TMEM181: variants seen among roughly 807,000 people sequenced by gnomAD.
TMEM181 encodes transmembrane protein 181, also known as G protein-coupled receptor 178.
A neutral mutation model predicts 71.9 loss-of-function variants in TMEM181; 39 were observed. That is an observed-to-expected ratio of 0.54 (90% confidence interval 0.42 to 0.71). TMEM181 has a LOEUF of 0.71. TMEM181 is among the 30% of genes least tolerant of loss of function. The pLI is 0.00. For synonymous variants in TMEM181, 245 were observed against 228.8 expected (o/e 1.07, Z -0.64); for missense variants, 595 against 583.0 (o/e 1.02, Z -0.21).
intron 10 of TMEM181, among the ~76,000 whole-genome samples, chr6:158,613,511 A>G (rs1324866431): frequency 7.1e-6 from 1 of 140,796 alleles, no homozygotes; most frequent in Non-Finnish European, 1.5e-5. Context: ...TGAGGTTTCA[A>G]GATAACTTGG....
intron 5 of TMEM181, 133 bp from the exon 6 acceptor site, chr6:158,589,539 C>T: frequency 1.5e-6 from 1 of 654,244 alleles, no homozygotes; most frequent in Non-Finnish European, 2.7e-6. Context: ...CTGACTTTCT[C>T]TGGGCTTTTG....
chr6:158,579,997 G>A (rs1477455514), intron 2 of TMEM181, among the ~76,000 whole-genome samples: 1 of 152,094 alleles, frequency 6.6e-6, no homozygotes, highest in African/African-American at 2.4e-5. Context: ...TGGTTGCACA[G>A]TATGAACGTA....
chr6:158,589,790 T>C lies in TMEM181; in HGVS notation c.492+8T>C, dbSNP rs188053169. The C allele has an allele frequency of 3.5e-3, 5,610 of 1,589,690 alleles. 16 individuals are homozygous for C. Among genetic ancestry groups the C allele is most frequent in the Admixed American group, 4.6e-3 (277 of 59,910 alleles). ...AAGGGAATGAACTTCACAGTAAGTA[T>C]ACCAGCTGACTGCACGTTTCCATGG... On this transcript the variant is annotated splice_region_variant and intron_variant, in intron 6 of 16. Coordinates refer to ENST00000684151, the MANE Select transcript of TMEM181 (RefSeq NM_001376852.1).
chr6:158,575,927 T>C (rs1185767627), intron 2 of TMEM181, among the ~76,000 whole-genome samples: 1 of 152,178 alleles, frequency 6.6e-6, no homozygotes, highest in African/African-American at 2.4e-5. Flanking sequence ...TTGGAACAAA[T>C]CTAGTTCTAA....
chr6:158,609,124 T>G (rs1474280812), intron 10 of TMEM181, among the ~76,000 whole-genome samples: 1 of 150,106 alleles, frequency 6.7e-6, no homozygotes, highest in Non-Finnish European at 1.5e-5. Context: ...GTGAAAAGGC[T>G]TACAATCAAA....
intron 6 of TMEM181, among the ~76,000 whole-genome samples, chr6:158,597,388 G>A (rs1784437154): frequency 6.6e-6 from 1 of 152,182 alleles, no homozygotes; most frequent in Non-Finnish European, 1.5e-5. Context: ...CAGGTTTGGT[G>A]TCTGGTGAGG....
In TMEM181 at chr6:158,628,399, C is replaced by G. The variant is rs1191573996; in HGVS notation, c.1110-9C>G. The G allele has an allele frequency of 1.2e-6, 2 of 1,613,968 alleles. No homozygotes were observed. Among genetic ancestry groups the G allele is most frequent in the East Asian group, 2.2e-5 (1 of 44,896 alleles). On this transcript the variant is annotated splice_polypyrimidine_tract_variant and intron_variant, in intron 13 of 16. Coordinates refer to ENST00000684151, the MANE Select transcript of TMEM181 (RefSeq NM_001376852.1). Reference sequence around the variant, plus strand: ...TTACATATTGTCTCTGCTCCTCTGTCTTGTTCAGCATCGCCATCCTTTATT... The same window carrying G: ...TTACATATTGTCTCTGCTCCTCTGTGTTGTTCAGCATCGCCATCCTTTATT...
intron 1 of TMEM181, among the ~76,000 whole-genome samples, chr6:158,546,032 A>G (rs1440370436): frequency 6.6e-6 from 1 of 152,226 alleles, no homozygotes; most frequent in Non-Finnish European, 1.5e-5. Context: ...TGGCTTATCT[A>G]TCTGGCATGA....
At chr6:158,595,503 C>T (rs554468662) in intron 6 of TMEM181, among the ~76,000 whole-genome samples, 13 of 152,230 alleles carry the variant, frequency 8.5e-5, no homozygotes, top group East Asian at 7.7e-4. Flanking sequence ...TTCACAGCAG[C>T]GCAATTCTTA....
At chr6:158,578,365 T>C (rs1372776492) in intron 2 of TMEM181, among the ~76,000 whole-genome samples, 1 of 152,254 alleles carries the variant, frequency 6.6e-6, no homozygotes, top group Non-Finnish European at 1.5e-5. Context: ...AACTCCATTT[T>C]TTTTGTTTTC....
At chr6:158,608,830 GC>G (rs1396674336) in intron 10 of TMEM181, 80 bp downstream of exon 10, 12 of 1,319,606 alleles carry the variant, frequency 9.1e-6, no homozygotes, top group Non-Finnish European at 1.3e-5. Flanking sequence ...AGGCGTAGTG[GC>G]TCACGCCTGT....
intron 5 of TMEM181, among the ~76,000 whole-genome samples, chr6:158,587,812 A>G (rs1306709164): frequency 6.6e-6 from 1 of 152,064 alleles, no homozygotes; most frequent in Non-Finnish European, 1.5e-5. Flanking sequence ...TAGTTTTTTT[A>G]AACTCGTAAG....
At position 158,542,868 on chromosome 6, in the gene TMEM181, G is replaced by GTTTT. The variant is rs61401561; in HGVS notation, c.131+6025_131+6028dup. Among the ~76,000 whole-genome samples the GTTTT allele has an allele frequency of 4.9e-3, 358 of 73,492 alleles. 18 individuals are homozygous for GTTTT. Among genetic ancestry groups the GTTTT allele is most frequent in the African/African-American group, 0.016 (277 of 17,464 alleles). 48.2% of individuals were successfully genotyped at this position (73,492 alleles called of 152,430 possible). A position where few individuals can be genotyped will look rare whatever the true frequency, so the allele number is the denominator to read the frequency against. ...TCTGCCTGCCTCGGCCTCCAGAGTG[G>GTTTT]TTTTTTTTTTTTTTTTTTTTTTTTT... On this transcript the variant is annotated intron_variant, in intron 1 of 16. Transcript: ENST00000367090.
intron 10 of TMEM181, among the ~76,000 whole-genome samples, chr6:158,612,289 T>A (rs1446006090): frequency 6.6e-6 from 1 of 152,220 alleles, no homozygotes; most frequent in Non-Finnish European, 1.5e-5. Context: ...ATGACGGTGC[T>A]CCTGCTCTGT....
At chr6:158,560,481 G>T (rs1782096370) in intron 1 of TMEM181, among the ~76,000 whole-genome samples, 1 of 152,222 alleles carries the variant, frequency 6.6e-6, no homozygotes, top group African/African-American at 2.4e-5. Flanking sequence ...ACCGGGATGC[G>T]GTCGGGGTTC....
intron 10 of TMEM181, chr6:158,611,526 C>G (rs75222454): frequency 1.5e-5 from 7 of 477,506 alleles, no homozygotes; most frequent in Non-Finnish European, 2.5e-5. Context: ...CATGGAGTTA[C>G]GAGAACTATC....
Position 158,560,123 on chromosome 6 carries a change from T to C in TMEM181, c.-102T>C. 1 of 984,740 alleles carries C rather than the reference T, an allele frequency of 1.0e-6. No homozygotes were observed. The highest frequency in any genetic ancestry group is 1.2e-6 in the Non-Finnish European group (1 of 829,728). The allele number at this position is 984,740 out of a possible 1,614,324, so 61.0% of individuals were successfully genotyped here. A position where few individuals can be genotyped will look rare whatever the true frequency, so the allele number is the denominator to read the frequency against. ...CCGCGGCCGGCCGCTGCTCAGCCGC[T>C]GTCGCTCCGGCTCCGGCTGCGGCTG... On this transcript the variant is annotated 5_prime_UTR_variant, in exon 1 of 17. Transcript: ENST00000684151.
chr6:158,577,360 A>C (rs984430556), intron 2 of TMEM181, among the ~76,000 whole-genome samples: 10 of 152,246 alleles, frequency 6.6e-5, no homozygotes, highest in African/African-American at 2.4e-5. Context: ...GGTAGAGGAA[A>C]GAATCAGTGA....
intron 10 of TMEM181, among the ~76,000 whole-genome samples, chr6:158,623,190 GCTTT>G (rs1415709886): frequency 7.9e-5 from 12 of 151,992 alleles, no homozygotes; most frequent in Non-Finnish European, 1.2e-4. Context: ...TGCTTTTATT[GCTTT>G]CTTTGTTTTC....
Sources: gnomAD v4.1 joint callset for allele counts (sites outside exome capture counted in the v4.1 genomes callset) on GRCh38, gnomAD v4.1.1 for gene constraint, MANE v1.5 for transcripts, NCBI Gene and HGNC (gene_info 2026-07-23, HGNC 2026-07-21) for gene names.